DAO: variants seen among roughly 807,000 people sequenced by gnomAD.
DAO encodes the protein D-amino-acid oxidase.
Under a neutral mutation model 50.1 loss-of-function variants are expected in DAO, and 51 were observed. That is an observed-to-expected ratio of 1.02 (90% confidence interval 0.81 to 1.29). The LOEUF is 1.29. DAO is among the 50% of genes most tolerant of loss of function. The pLI, the probability that DAO is intolerant of heterozygous loss-of-function variation, is 0.00. For synonymous variants in DAO, 160 were observed against 166.2 expected (o/e 0.96, Z 0.29); for missense variants, 436 against 439.4 (o/e 0.99, Z 0.07).
chr12:108,880,504 G>A (rs899088721), intron 1 of DAO: 5 of 235,062 alleles, frequency 2.1e-5, no homozygotes, highest in Non-Finnish European at 4.3e-5. Flanking sequence ...CATGTAAAGT[G>A]CTTAGAGCAG....
At chr12:108,899,777 CTA>C in intron 10 of DAO, 1 of 451,522 alleles carries the variant, frequency 2.2e-6, no homozygotes, top group Non-Finnish European at 4.1e-6. Context: ...GGAAATGACA[CTA>C]TCAAGTATGT....
At chr12:108,891,635 C>A (rs1015792975) in intron 5 of DAO, among the ~76,000 whole-genome samples, 2 of 151,638 alleles carry the variant, frequency 1.3e-5, no homozygotes, top group Admixed American at 6.6e-5. Context: ...ACTTTGTCAC[C>A]CAGGCTGGAG....
In DAO at chr12:108,900,425, G is replaced by A. The variant is rs747837081; in HGVS notation, c.934G>A (p.Gly312Arg). Residue 312 changes from glycine (G) to arginine (R), a missense_variant, in exon 11 of 11, where the codon GGA (glycine) becomes AGA (arginine). Gly to Arg is a moderately radical substitution (Grantham distance 125). Transcript: ENST00000228476. ...CTAGGTCATCCACAACTATGGCCAT[G>A]GAGGCTACGGGCTCACCATCCACTG... ...NTEVIHNYGH[G>R]GYGLTIHWGC... The A allele has an allele frequency of 6.2e-7, 1 of 1,614,104 alleles. No homozygotes were observed. Among genetic ancestry groups the A allele is most frequent in the Non-Finnish European group, 8.5e-7 (1 of 1,179,980 alleles).
In DAO at chr12:108,885,173, T is replaced by C. The variant is rs760343510; in HGVS notation, c.167T>C (p.Leu56Pro). ...GCTGCCGGCCTCTGGCAGCCCTACC[T>C]TTCTGACCCCAACAACCCACAGGAG... ...DVAAGLWQPY[L>P]SDPNNPQEAD... The change falls in exon 2 of 11, where the codon CTT becomes CCT. Residue 56 changes from leucine (L) to proline (P), a missense_variant. By Grantham distance (98) the Leu-to-Pro change is moderately conservative. Transcript: ENST00000228476. The C allele has an allele frequency of 1.9e-6, 3 of 1,613,524 alleles. No homozygotes were observed. Among genetic ancestry groups the C allele is most frequent in the Non-Finnish European group, 2.5e-6 (3 of 1,179,816 alleles).
chr12:108,894,265 G>T lies in DAO; in HGVS notation c.510G>T (p.Val170=), dbSNP rs2039522606. The part of the protein sequence containing the change: ...FQRKVESFEE[V]AREGADVIVN... ...ACTACCCTGTTGGTTGCTACCAGGT[G>T]GCAAGAGAAGGCGCAGACGTGATTG... Residue 170 remains valine (V), a splice_region_variant and synonymous_variant, in exon 7 of 11, where the codon GTG becomes GTT. Transcript: ENST00000228476. 5 of 1,613,464 alleles carry T rather than the reference G, an allele frequency of 3.1e-6. No individual in the cohort carries two copies. The highest frequency in any genetic ancestry group is 4.2e-6 in the Non-Finnish European group (5 of 1,179,738).
rs1051327099 is a variant in DAO at position 108,885,144 on chromosome 12, C to T, written c.138C>T (p.Asp46=). 6.2e-6 allele frequency: 10 copies of T among 1,613,388 alleles called. No homozygotes were observed. Among genetic ancestry groups the T allele is most frequent in the Middle Eastern group, 1.7e-4 (1 of 6,058 alleles). Residue 46 remains aspartate, a synonymous_variant, in exon 2 of 11, where the codon GAC becomes GAT. Coordinates refer to ENST00000228476, the MANE Select transcript of DAO (RefSeq NM_001917.5). ...GCTTCACCCCACTCACCACCACCGA[C>T]GTGGCTGCCGGCCTCTGGCAGCCCT... is the stretch of plus-strand genomic sequence containing the variant. The part of the protein sequence containing the change: ...ADRFTPLTTT[D]VAAGLWQPYL...
intron 1 of DAO, among the ~76,000 whole-genome samples, chr12:108,881,794 C>G (rs551661601): frequency 1.5e-4 from 22 of 151,534 alleles, no homozygotes; most frequent in Non-Finnish European, 2.8e-4. Flanking sequence ...TTTGTAGAGA[C>G]AGGGTTTCAC....
intron 7 of DAO, among the ~76,000 whole-genome samples, chr12:108,895,494 T>C (rs571353390): frequency 1.5e-5 from 2 of 137,070 alleles, no homozygotes; most frequent in African/African-American, 5.7e-5. Context: ...TGAGGGTGTA[T>C]GTGCATATGT....
chr12:108,881,497 ACACACACACACACG>A (rs903051042), intron 1 of DAO, among the ~76,000 whole-genome samples: 1 of 150,718 alleles, frequency 6.6e-6, no homozygotes, highest in African/African-American at 2.4e-5. Context: ...ACACACACAC[ACACACACACACACG>A]TTGCTATAAT....
At chr12:108,891,383 G>A (rs1442700900) in intron 5 of DAO, among the ~76,000 whole-genome samples, 1 of 151,132 alleles carries the variant, frequency 6.6e-6, no homozygotes, top group Non-Finnish European at 1.5e-5. Flanking sequence ...CCGGGAAGGA[G>A]AGGCTGCAGT....
intron 6 of DAO, 143 bp from the exon 7 acceptor site, chr12:108,894,120 C>G (rs949459025): frequency 9.1e-6 from 6 of 660,312 alleles, no homozygotes; most frequent in Admixed American, 4.8e-5. Context: ...GAAGCCAGGC[C>G]CCTCTGATTC....
At chr12:108,896,627 C>G (rs958881556) in intron 7 of DAO, among the ~76,000 whole-genome samples, 3 of 151,924 alleles carry the variant, frequency 2.0e-5, no homozygotes, top group African/African-American at 7.3e-5. Context: ...GACCTCCCTT[C>G]CCCCCGCAGC....
intron 7 of DAO, among the ~76,000 whole-genome samples, chr12:108,896,226 A>G (rs201425649): frequency 6.6e-6 from 1 of 151,754 alleles, no homozygotes; most frequent in East Asian, 1.9e-4. Context: ...GTTCGAGACC[A>G]GCCTGGCCAA....
Position 108,900,669 on chromosome 12 carries a change from A to T in DAO, c.*134A>T. On this transcript the variant is annotated 3_prime_UTR_variant, in exon 11 of 11. Coordinates refer to ENST00000228476, the MANE Select transcript of DAO (RefSeq NM_001917.5). Reference sequence around the variant, plus strand: ...AAGAAGCATGAGGTGAGAGAAAGCCACAAAGTCAGTGCCTGGAGAAGGGTT... The same window carrying T: ...AAGAAGCATGAGGTGAGAGAAAGCCTCAAAGTCAGTGCCTGGAGAAGGGTT... 3.0e-6 allele frequency: 4 copies of T among 1,341,174 alleles called. No individual in the cohort carries two copies. The highest frequency in any genetic ancestry group is 4.1e-6 in the Non-Finnish European group (4 of 972,324). 83.1% of individuals were successfully genotyped at this position (1,341,174 alleles called of 1,614,324 possible).
chr12:108,894,652 C>T (rs1027013864), intron 7 of DAO, among the ~76,000 whole-genome samples: 4 of 151,992 alleles, frequency 2.6e-5, no homozygotes, highest in African/African-American at 4.8e-5. Flanking sequence ...TTACCAAGCG[C>T]GAGATACAGT....
chr12:108,881,493 ACACACACACACACACACG>A (rs1253237338), intron 1 of DAO, among the ~76,000 whole-genome samples: 1 of 150,450 alleles, frequency 6.6e-6, no homozygotes, highest in African/African-American at 2.5e-5. Context: ...ACACACACAC[ACACACACACACACACACG>A]TTGCTATAAT....
chr12:108,890,385 C>A, intron 5 of DAO, 112 bp downstream of exon 5: 1 of 811,356 alleles, frequency 1.2e-6, no homozygotes, highest in Non-Finnish European at 2.1e-6. Flanking sequence ...TTGAAGAATA[C>A]CCTTAGGCCT....
rs146543709 is a variant in DAO at position 108,885,039 on chromosome 12, C to T, written c.33C>T (p.Ile11=). The change falls in exon 2 of 11, where the codon ATC becomes ATT. Residue 11 remains isoleucine, a synonymous_variant. Transcript: ENST00000228476. ...TGGTGGTGATTGGAGCAGGAGTCATCGGGCTGTCCACCGCCCTCTGCATCC... is the reference window on the plus strand; with the variant it reads ...TGGTGGTGATTGGAGCAGGAGTCATTGGGCTGTCCACCGCCCTCTGCATCC... MRVVVIGAGV[I]GLSTALCIHE... The T allele has an allele frequency of 1.2e-4, 197 of 1,614,122 alleles. No homozygotes were observed. The highest frequency in any genetic ancestry group is 3.6e-4 in the African/African-American group (27 of 75,018).
intron 1 of DAO, among the ~76,000 whole-genome samples, chr12:108,884,465 T>C (rs971609044): frequency 1.5e-4 from 23 of 152,214 alleles, no homozygotes; most frequent in African/African-American, 5.3e-4. Context: ...TCACAGTAGG[T>C]GCTCCACAAA....
Sources: gnomAD v4.1 joint callset for allele counts (sites outside exome capture counted in the v4.1 genomes callset) on GRCh38, gnomAD v4.1.1 for gene constraint, MANE v1.5 for transcripts, NCBI Gene and HGNC (gene_info 2026-07-23, HGNC 2026-07-21) for gene names.